ESRRG: variants seen among roughly 807,000 people sequenced by gnomAD.
The protein encoded by ESRRG is estrogen related receptor gamma.
In ESRRG, 13 loss-of-function variants were observed where a neutral mutation model predicts 44.0. The ratio of observed to expected loss-of-function variants is 0.30; its 90% CI spans 0.19 to 0.47. The LOEUF (loss-of-function observed/expected upper bound fraction) is 0.47, where lower values mean the gene tolerates loss of function less well. Ranked by LOEUF, ESRRG falls within the 20% of genes least tolerant of loss-of-function variation. ESRRG has a pLI of 1.00. For synonymous variants in ESRRG, 215 were observed against 214.6 expected, an observed-to-expected ratio of 1.00 and a Z score of -0.02; for missense variants, 395 against 580.6, an observed-to-expected ratio of 0.68 and a Z score of 3.29.
intron 1 of ESRRG, among the ~76,000 whole-genome samples, chr1:217,072,811 A>G (rs2090732540): frequency 1.3e-5 from 2 of 152,184 alleles, no homozygotes; most frequent in Admixed American, 1.3e-4. Flanking sequence ...ATCGCAAGCC[A>G]TAGCCCTGGT....
At chr1:216,763,392 C>T (rs1295622785) in intron 2 of ESRRG, among the ~76,000 whole-genome samples, 1 of 152,066 alleles carries the variant, frequency 6.6e-6, no homozygotes, top group Non-Finnish European at 1.5e-5. Context: ...AGTAGTTATA[C>T]TGATTTTGAA....
In ESRRG at chr1:217,073,197, C is replaced by CAAAAAAA. The variant is rs34950214; in HGVS notation, c.-106+16303_-106+16309dup. 5.4e-4 allele frequency among the ~76,000 whole-genome samples: 41 copies of CAAAAAAA among 75,976 alleles called. 2 individuals carry two copies. The highest frequency in any genetic ancestry group is 1.4e-3 in the South Asian group (3 of 2,070). The allele number at this position is 75,976 out of a possible 152,430, so 49.8% of individuals were successfully genotyped here. A position where few individuals can be genotyped will look rare whatever the true frequency, so the allele number is the denominator to read the frequency against. ...CACCTTGTCTTCATTCCTTTCTGGA[C>CAAAAAAA]AAAAAAAAAAAAAAAAAAAAAAAAA... On this transcript the variant is annotated intron_variant, in intron 1 of 7. Transcript: ENST00000359162.
chr1:216,977,357 C>CACACACACAA (rs2073145798), intron 1 of ESRRG, among the ~76,000 whole-genome samples: 1 of 151,684 alleles, frequency 6.6e-6, no homozygotes, highest in African/African-American at 2.4e-5. Context: ...CACACACACA[C>CACACACACAA]ACACACACAC....
chr1:216,966,931 G>C lies in ESRRG; in HGVS notation c.-105-27258C>G, dbSNP rs895757598. Among the ~76,000 whole-genome samples, 7 of 152,228 alleles carry C rather than the reference G, an allele frequency of 4.6e-5. 1 individual carries two copies. Among genetic ancestry groups the C allele is most frequent in the African/African-American group, 1.7e-4 (7 of 41,554 alleles). Reference sequence around the variant, plus strand: ...ACTCTTAGTCACCTTATTTGTTTCTGGCTGGCCCTACTTGCATCTCATGCC... The same window carrying C: ...ACTCTTAGTCACCTTATTTGTTTCTCGCTGGCCCTACTTGCATCTCATGCC... On this transcript the variant is annotated intron_variant, in intron 1 of 7. Coordinates refer to the ESRRG transcript ENST00000359162.
At chr1:216,526,962 AATT>A (rs1292495886) in intron 5 of ESRRG, among the ~76,000 whole-genome samples, 4 of 152,188 alleles carry the variant, frequency 2.6e-5, no homozygotes, top group African/African-American at 9.7e-5. Context: ...TTCAGCCTTA[AATT>A]ATTAGGCTTC....
chr1:216,769,868 A>G (rs2093305574), intron 2 of ESRRG, among the ~76,000 whole-genome samples: 1 of 152,154 alleles, frequency 6.6e-6, no homozygotes, highest in Non-Finnish European at 1.5e-5. Context: ...GGTGGTATGG[A>G]AACTATGATA....
At chr1:216,967,274 G>A (rs1243737334) in intron 1 of ESRRG, among the ~76,000 whole-genome samples, 1 of 151,906 alleles carries the variant, frequency 6.6e-6, no homozygotes, top group Admixed American at 6.6e-5. Flanking sequence ...TTTGCATTAG[G>A]GTTACTTCTT....
intron 1 of ESRRG, among the ~76,000 whole-genome samples, chr1:217,015,253 A>C (rs1014274661): frequency 6.6e-6 from 1 of 152,032 alleles, no homozygotes; most frequent in African/African-American, 2.4e-5. Context: ...AATTTCTACC[A>C]TCTCTTCACT....
intron 3 of ESRRG, among the ~76,000 whole-genome samples, chr1:216,574,422 T>G (rs781445717): frequency 6.6e-6 from 1 of 152,172 alleles, no homozygotes; most frequent in Admixed American, 6.5e-5. Flanking sequence ...TTAGGTCAGC[T>G]AATTTTGAGA....
intron 1 of ESRRG, among the ~76,000 whole-genome samples, chr1:217,002,550 G>A (rs1179934536): frequency 1.3e-5 from 2 of 151,834 alleles, no homozygotes; most frequent in East Asian, 3.9e-4. Flanking sequence ...GATGATCTTT[G>A]CCCCTGATAT....
At chr1:216,524,891 C>A (rs998279353) in intron 5 of ESRRG, among the ~76,000 whole-genome samples, 1 of 152,074 alleles carries the variant, frequency 6.6e-6, no homozygotes, top group African/African-American at 2.4e-5. Context: ...AGAACAGAAA[C>A]GCAAAGGTAA....
chr1:216,830,090 T>C (rs1559794226), intron 2 of ESRRG, among the ~76,000 whole-genome samples: 1 of 152,182 alleles, frequency 6.6e-6, no homozygotes, highest in Admixed American at 6.5e-5. Context: ...CTGAAACTTT[T>C]AATGCGGGCC....
At chr1:216,912,149 AG>A in intron 2 of ESRRG, among the ~76,000 whole-genome samples, 1 of 32,358 alleles carries the variant, frequency 3.1e-5, no homozygotes, top group East Asian at 1.4e-3. Flanking sequence ...AGAAAAGAAA[AG>A]AAAAGAAAAG....
intron 5 of ESRRG, among the ~76,000 whole-genome samples, chr1:216,525,594 C>G (rs1451009246): frequency 6.6e-6 from 1 of 151,968 alleles, no homozygotes; most frequent in Non-Finnish European, 1.5e-5. Context: ...TAAGTTCTGC[C>G]TGGAAAGCAG....
At chr1:216,578,737 G>A (rs1273256881) in intron 3 of ESRRG, among the ~76,000 whole-genome samples, 1 of 152,060 alleles carries the variant, frequency 6.6e-6, no homozygotes, top group African/African-American at 2.4e-5. Context: ...CAGAGATTAC[G>A]AGAGAAAAAT....
chr1:216,658,474 T>C (rs952508059), intron 2 of ESRRG, among the ~76,000 whole-genome samples: 1 of 151,956 alleles, frequency 6.6e-6, no homozygotes, highest in Non-Finnish European at 1.5e-5. Flanking sequence ...AGCATATTAC[T>C]TTGCATACAG....
intron 3 of ESRRG, among the ~76,000 whole-genome samples, chr1:216,624,872 A>G (rs1304014619): frequency 2.6e-5 from 4 of 152,174 alleles, no homozygotes; most frequent in Non-Finnish European, 5.9e-5. Flanking sequence ...AATATTAATT[A>G]AGTAAATTAC....
chr1:216,962,876 C>T (rs12088511), intron 1 of ESRRG, among the ~76,000 whole-genome samples: 5,899 of 152,104 alleles, frequency 0.039, 338 homozygotes, highest in African/African-American at 0.13. Context: ...TATGACAAGA[C>T]GGGAAGTCTA....
At chr1:216,745,655 G>A (rs2091313562) in intron 2 of ESRRG, among the ~76,000 whole-genome samples, 1 of 152,102 alleles carries the variant, frequency 6.6e-6, no homozygotes, top group Non-Finnish European at 1.5e-5. Flanking sequence ...AGGCTGGTTA[G>A]CCAATTGATT....
Sources: gnomAD v4.1 joint callset for allele counts (sites outside exome capture counted in the v4.1 genomes callset) on GRCh38, gnomAD v4.1.1 for gene constraint, MANE v1.5 for transcripts, NCBI Gene and HGNC (gene_info 2026-07-23, HGNC 2026-07-21) for gene names.